Variants in CPA6 observed in about 807,000 individuals in gnomAD.
The protein encoded by CPA6 is carboxypeptidase B.
CPA6 carries 58 observed loss-of-function variants against 63.3 expected under a neutral mutation model. The observed-to-expected ratio is 0.92, with a 90% CI of 0.74 to 1.14. The LOEUF (loss-of-function observed/expected upper bound fraction) is 1.14. Ranked by LOEUF, CPA6 falls within the 50% of genes most tolerant of loss-of-function variation. The pLI, the probability that CPA6 is intolerant of heterozygous loss-of-function variation, is 0.00. For synonymous variants in CPA6, 185 were observed against 179.0 expected, an observed-to-expected ratio of 1.03 and a Z score of -0.27; for missense variants, 565 against 526.6, an observed-to-expected ratio of 1.07 and a Z score of -0.71.
intron 9 of CPA6, among the ~76,000 whole-genome samples, chr8:67,430,399 C>G (rs1437460691): frequency 2.6e-5 from 4 of 151,788 alleles, no homozygotes; most frequent in Non-Finnish European, 5.9e-5. Context: ...AGGCTGGTCT[C>G]AAACTCCTGA....
At chr8:67,665,783 TATA>T (rs1443093225) in intron 1 of CPA6, among the ~76,000 whole-genome samples, 1 of 152,150 alleles carries the variant, frequency 6.6e-6, no homozygotes. Context: ...AAGCTCGGGG[TATA>T]ATAAGTTCTA....
chr8:67,485,874 A>T (rs1031499209), intron 6 of CPA6, among the ~76,000 whole-genome samples: 1 of 152,184 alleles, frequency 6.6e-6, no homozygotes. Flanking sequence ...GCATTAATGC[A>T]CTCTGGTCTA....
chr8:67,690,717 TA>T (rs1003264014), intron 1 of CPA6, among the ~76,000 whole-genome samples: 3 of 151,940 alleles, frequency 2.0e-5, no homozygotes, highest in East Asian at 3.9e-4. Flanking sequence ...TCTTATCAGC[TA>T]AAAAAAATAC....
chr8:67,649,991 G>C (rs938258809), intron 1 of CPA6, among the ~76,000 whole-genome samples: 1 of 152,172 alleles, frequency 6.6e-6, no homozygotes, highest in East Asian at 1.9e-4. Context: ...GACTCAGGAA[G>C]TCAGATTGTC....
intron 1 of CPA6, among the ~76,000 whole-genome samples, chr8:67,656,715 A>AGGC (rs550686153): frequency 2.6e-5 from 4 of 152,202 alleles, no homozygotes; most frequent in Non-Finnish European, 5.9e-5. Context: ...ATAGAAATGA[A>AGGC]GGCTCCTTGT....
intron 2 of CPA6, among the ~76,000 whole-genome samples, chr8:67,574,170 G>A (rs1320610736): frequency 6.6e-6 from 1 of 151,802 alleles, no homozygotes; most frequent in Non-Finnish European, 1.5e-5. Context: ...TTGATGTCAG[G>A]AGTTCAAAAT....
intron 1 of CPA6, among the ~76,000 whole-genome samples, chr8:67,676,225 T>C (rs1315277225): frequency 6.6e-6 from 1 of 152,200 alleles, no homozygotes; most frequent in Non-Finnish European, 1.5e-5. Flanking sequence ...CAGATAAGGA[T>C]CTTTGGGACA....
intron 4 of CPA6, among the ~76,000 whole-genome samples, chr8:67,511,015 C>T (rs1812032963): frequency 6.6e-6 from 1 of 152,130 alleles, no homozygotes; most frequent in South Asian, 2.1e-4. Context: ...GAACAACAAC[C>T]TGTCCAGGTG....
At chr8:67,660,300 T>C (rs900973167) in intron 1 of CPA6, among the ~76,000 whole-genome samples, 7 of 147,150 alleles carry the variant, frequency 4.8e-5, no homozygotes, top group Non-Finnish European at 1.0e-4. Context: ...ATTTGGCACA[T>C]GGTAAAAGTT....
At chr8:67,506,914 C>A (rs767118460) in intron 5 of CPA6, 26 bp from the exon 6 acceptor site, 12 of 1,498,244 alleles carry the variant, frequency 8.0e-6, no homozygotes, top group Admixed American at 3.3e-5. Context: ...TTCACAGTAA[C>A]CAACTCAGGC....
chr8:67,716,767 C>T (rs1337185276), intron 1 of CPA6, among the ~76,000 whole-genome samples: 1 of 152,138 alleles, frequency 6.6e-6, no homozygotes, highest in Non-Finnish European at 1.5e-5. Flanking sequence ...TTGACTTTTC[C>T]TTTTGGCTTA....
intron 8 of CPA6, among the ~76,000 whole-genome samples, chr8:67,475,808 T>TC (rs1460462478): frequency 9.5e-4 from 70 of 73,814 alleles, no homozygotes; most frequent in Admixed American, 1.5e-3. Flanking sequence ...TTTCTTTCTT[T>TC]CTTTCTTTCC....
intron 1 of CPA6, among the ~76,000 whole-genome samples, chr8:67,686,805 G>A (rs1587702067): frequency 6.6e-6 from 1 of 152,284 alleles, no homozygotes; most frequent in Non-Finnish European, 1.5e-5. Flanking sequence ...GGGAGAGGTT[G>A]GGAGTGGCTT....
Position 67,545,100 on chromosome 8 carries a change from A to G in CPA6, c.193-27053T>C, listed in dbSNP as rs567779443. On this transcript the variant is annotated intron_variant, in intron 2 of 10. Transcript: ENST00000297770. ...GAGTATAAGGATTTTTGGAATAATG[A>G]TATTTTATAATTATAAAGCACCAGG... Among the ~76,000 whole-genome samples, 85 of 152,324 alleles carry G rather than the reference A, an allele frequency of 5.6e-4. 1 individual carries two copies. The South Asian group carries it at 0.015, about 28-fold the overall frequency.
intron 2 of CPA6, among the ~76,000 whole-genome samples, chr8:67,605,236 T>C (rs370012315): frequency 2.0e-5 from 3 of 152,086 alleles, no homozygotes; most frequent in Non-Finnish European, 4.4e-5. Flanking sequence ...TTTAGATCTG[T>C]TTGTGGAATG....
chr8:67,430,070 A>G (rs1809986204), intron 9 of CPA6, among the ~76,000 whole-genome samples: 1 of 150,532 alleles, frequency 6.6e-6, no homozygotes, highest in Non-Finnish European at 1.5e-5. Flanking sequence ...CCTGTTTCCA[A>G]TTGTCAAAAA....
At chr8:67,589,698 A>G (rs1814053245) in intron 2 of CPA6, among the ~76,000 whole-genome samples, 2 of 152,116 alleles carry the variant, frequency 1.3e-5, no homozygotes, top group Admixed American at 1.3e-4. Flanking sequence ...ATCTGAAAGT[A>G]TTATTATAAA....
intron 1 of CPA6, among the ~76,000 whole-genome samples, chr8:67,657,584 C>T (rs1199166690): frequency 6.6e-6 from 1 of 152,196 alleles, no homozygotes; most frequent in Admixed American, 6.5e-5. Context: ...TCACTGGTAT[C>T]TCCAGCAACC....
chr8:67,611,042 A>T (rs148711929), intron 2 of CPA6, among the ~76,000 whole-genome samples: 1 of 151,448 alleles, frequency 6.6e-6, no homozygotes, highest in Non-Finnish European at 1.5e-5. Context: ...GAAGGATTTT[A>T]TATTATCCCA....
Sources: allele counts gnomAD v4.1 joint callset (sites outside exome capture counted in the v4.1 genomes callset), GRCh38; gene constraint gnomAD v4.1.1; transcripts MANE v1.5; gene names NCBI Gene and HGNC (gene_info 2026-07-23, HGNC 2026-07-21).